The following GRIK4 variants were observed in gnomAD, a reference collection of about 807,000 sequenced individuals.
GRIK4 encodes the protein glutamate receptor ionotropic, kainate 4.
In GRIK4, 40 loss-of-function variants were observed where a neutral mutation model predicts 104.9. The observed-to-expected ratio is 0.38, with a 90% CI of 0.30 to 0.50. The LOEUF is 0.50. GRIK4 is among the 20% of genes least tolerant of loss of function. The probability of loss-of-function intolerance (pLI) is 0.93; values close to 1 mark genes in which losing one functional copy is unlikely to be tolerated. For synonymous variants in GRIK4, 485 were observed against 524.9 expected, an observed-to-expected ratio of 0.92 and a Z score of 1.04; for missense variants, 1,047 against 1,308.1, an observed-to-expected ratio of 0.80 and a Z score of 3.08.
At chr11:120,950,607 A>T (rs2134683742) in intron 14 of GRIK4, among the ~76,000 whole-genome samples, 1 of 152,354 alleles carries the variant, frequency 6.6e-6, no homozygotes, top group African/African-American at 2.4e-5. Flanking sequence ...AAAAGACCCC[A>T]GGAGTGGACC....
chr11:120,576,827 CT>C (rs1948491710), intron 1 of GRIK4, among the ~76,000 whole-genome samples: 1 of 152,180 alleles, frequency 6.6e-6, no homozygotes, highest in Admixed American at 6.5e-5. Context: ...CCAGCCTGTG[CT>C]GGGCCCGGGA....
chr11:120,759,685 C>A (rs1293185585), intron 3 of GRIK4, among the ~76,000 whole-genome samples: 1 of 152,036 alleles, frequency 6.6e-6, no homozygotes, highest in African/African-American at 2.4e-5. Flanking sequence ...ACAAAACAAA[C>A]CAAAATACTG....
chr11:120,595,772 GT>G (rs1948792709), intron 1 of GRIK4, among the ~76,000 whole-genome samples: 1 of 152,206 alleles, frequency 6.6e-6, no homozygotes, highest in African/African-American at 2.4e-5. Context: ...TGCTGACCAT[GT>G]GCCCTGGGGA....
rs548259063 is a variant in GRIK4 at position 120,913,351 on chromosome 11, A to T, written c.1476+7858A>T. Among the ~76,000 whole-genome samples the T allele has an allele frequency of 1.3e-4, 19 of 151,988 alleles. No homozygotes were observed. The South Asian group carries it at 3.9e-3, about 32-fold the overall frequency. On this transcript the variant is annotated intron_variant, in intron 13 of 20. Coordinates refer to ENST00000527524, the MANE Select transcript of GRIK4 (RefSeq NM_014619.5). ...CCAAGTTCAACTCTGGCCCATAAAG[A>T]GATTGCACTCCATCTGTAAAGTGAC... is the stretch of plus-strand genomic sequence containing the variant.
intron 11 of GRIK4, among the ~76,000 whole-genome samples, chr11:120,889,812 C>T (rs1017360093): frequency 1.3e-5 from 2 of 151,958 alleles, no homozygotes; most frequent in African/African-American, 2.4e-5. Flanking sequence ...CCATGTTGGT[C>T]AGGCTGGTCT....
At chr11:120,858,079 G>A (rs1954164060) in intron 8 of GRIK4, among the ~76,000 whole-genome samples, 1 of 151,782 alleles carries the variant, frequency 6.6e-6, no homozygotes, top group African/African-American at 2.4e-5. Flanking sequence ...TCCCTTCCTG[G>A]GATATTTATA....
At position 120,583,768 on chromosome 11, in the gene GRIK4, A is replaced by T. The variant is rs112174150; in HGVS notation, c.-158-69917A>T. Among the ~76,000 whole-genome samples the T allele has an allele frequency of 3.2e-3, 482 of 152,284 alleles. 1 individual carries two copies. Among genetic ancestry groups the T allele is most frequent in the African/African-American group, 0.011 (459 of 41,562 alleles). ...TGTGAAGAATGTCATTGGTAGTTTG[A>T]TAGGGATAGCATTGAATCTGTAGAT... is the stretch of plus-strand genomic sequence containing the variant. On this transcript the variant is annotated intron_variant, in intron 1 of 20. Coordinates refer to ENST00000527524, the MANE Select transcript of GRIK4 (RefSeq NM_014619.5).
chr11:120,548,344 TC>T (rs980920073), intron 1 of GRIK4, among the ~76,000 whole-genome samples: 4 of 151,996 alleles, frequency 2.6e-5, no homozygotes, highest in Admixed American at 6.5e-5. Flanking sequence ...GGGCAGAGGC[TC>T]ACTTACGAAG....
intron 19 of GRIK4, among the ~76,000 whole-genome samples, chr11:120,977,021 A>C (rs1347759719): frequency 6.6e-6 from 1 of 152,262 alleles, no homozygotes; most frequent in Non-Finnish European, 1.5e-5. Context: ...GCTCTCTTCC[A>C]GGGTGCCATT....
intron 3 of GRIK4, among the ~76,000 whole-genome samples, chr11:120,793,362 G>C (rs1952439969): frequency 6.6e-6 from 1 of 152,122 alleles, no homozygotes; most frequent in Non-Finnish European, 1.5e-5. Context: ...GCATAGGAGG[G>C]GCGGGCCTTG....
At chr11:120,678,852 C>T (rs1950145104) in intron 3 of GRIK4, among the ~76,000 whole-genome samples, 1 of 151,916 alleles carries the variant, frequency 6.6e-6, no homozygotes. Context: ...CCAGGCTGGT[C>T]TCGAACTCCC....
intron 1 of GRIK4, among the ~76,000 whole-genome samples, chr11:120,548,626 A>T (rs1194056837): frequency 3.3e-5 from 5 of 152,076 alleles, no homozygotes; most frequent in Admixed American, 6.5e-5. Flanking sequence ...GATCCTTTTG[A>T]CATTTTGGGA....
chr11:120,559,111 T>C (rs769246729), intron 1 of GRIK4, among the ~76,000 whole-genome samples: 1 of 152,186 alleles, frequency 6.6e-6, no homozygotes, highest in Non-Finnish European at 1.5e-5. Flanking sequence ...ATTAGGACCC[T>C]TTCTTGAGAA....
At chr11:120,801,650 A>G (rs1272928162) in intron 3 of GRIK4, among the ~76,000 whole-genome samples, 3 of 152,194 alleles carry the variant, frequency 2.0e-5, no homozygotes, top group Non-Finnish European at 2.9e-5. Context: ...CAATCAATCT[A>G]TGGACATTTG....
chr11:120,560,589 A>G (rs1178049911), intron 1 of GRIK4, among the ~76,000 whole-genome samples: 1 of 152,148 alleles, frequency 6.6e-6, no homozygotes, highest in Non-Finnish European at 1.5e-5. Flanking sequence ...TCCATCAGGC[A>G]CACACAAGAG....
At chr11:120,729,007 C>T (rs930367104) in intron 3 of GRIK4, among the ~76,000 whole-genome samples, 1 of 152,188 alleles carries the variant, frequency 6.6e-6, no homozygotes, top group African/African-American at 2.4e-5. Flanking sequence ...CAAGTGAGAA[C>T]ATGCGAAGTT....
At chr11:120,764,348 AGATGGGTCTCCTGAATACAGCACACC>A (rs1340907910) in intron 3 of GRIK4, among the ~76,000 whole-genome samples, 1 of 152,060 alleles carries the variant, frequency 6.6e-6, no homozygotes, top group Non-Finnish European at 1.5e-5. Context: ...TTTGCATGTG[AGATGGGTCTCCTGAATACAGCACACC>A]GATGGGTCTT....
intron 3 of GRIK4, among the ~76,000 whole-genome samples, chr11:120,790,306 T>A (rs964632501): frequency 6.6e-6 from 1 of 152,178 alleles, no homozygotes; most frequent in South Asian, 2.1e-4. Context: ...GCCTTACCCA[T>A]GTCAATTAGA....
At chr11:120,739,442 T>A (rs1417583619) in intron 3 of GRIK4, among the ~76,000 whole-genome samples, 1 of 152,174 alleles carries the variant, frequency 6.6e-6, no homozygotes, top group African/African-American at 2.4e-5. Flanking sequence ...CTTCCAGGCC[T>A]TGCTTCATGG....
Sources: gnomAD v4.1 joint callset for allele counts (sites outside exome capture counted in the v4.1 genomes callset) on GRCh38, gnomAD v4.1.1 for gene constraint, MANE v1.5 for transcripts, NCBI Gene and HGNC (gene_info 2026-07-23, HGNC 2026-07-21) for gene names.